Variants in MYH9 observed in about 807,000 individuals in gnomAD.
MYH9 encodes the protein myosin heavy chain 9.
Under a neutral mutation model 241.9 loss-of-function variants are expected in MYH9, and 29 were observed. That is an observed-to-expected ratio of 0.12 (90% CI 0.09 to 0.16). The LOEUF (loss-of-function observed/expected upper bound fraction) is 0.16, where lower values mean the gene tolerates loss of function less well. Among genes scored for constraint, MYH9 ranks in the 10% least tolerant of loss-of-function variants. The pLI is 1.00. For synonymous variants in MYH9, 1,047 were observed against 1,062.6 expected, an observed-to-expected ratio of 0.99 and a Z score of 0.29; for missense variants, 1,803 against 2,595.5, an observed-to-expected ratio of 0.69 and a Z score of 6.63.
chr22:36,299,339 ATGGCTCC>A (rs2016837986), intron 23 of MYH9, among the ~76,000 whole-genome samples: 1 of 152,136 alleles, frequency 6.6e-6, no homozygotes, highest in African/African-American at 2.4e-5. Flanking sequence ...GCAGGGACAG[ATGGCTCC>A]ACTCCTTCAA....
chr22:36,282,986 G>A (rs189085667), intron 40 of MYH9, among the ~76,000 whole-genome samples: 15 of 152,298 alleles, frequency 9.8e-5, no homozygotes, highest in Admixed American at 3.3e-4. Flanking sequence ...AAAGCTTCCC[G>A]CAAAATGTTT....
At chr22:36,341,762 G>C (rs936151397) in intron 2 of MYH9, among the ~76,000 whole-genome samples, 1 of 152,208 alleles carries the variant, frequency 6.6e-6, no homozygotes, top group African/African-American at 2.4e-5. Context: ...CACTGCAGGA[G>C]TGCTCCAGCC....
chr22:36,312,928 G>A (rs905483672), intron 13 of MYH9, among the ~76,000 whole-genome samples: 13 of 150,460 alleles, frequency 8.6e-5, no homozygotes, highest in Admixed American at 2.7e-4. Flanking sequence ...GGCCAACGTG[G>A]TGAAACTCCG....
At chr22:36,361,492 C>A (rs1253079038) in intron 1 of MYH9, among the ~76,000 whole-genome samples, 1 of 152,110 alleles carries the variant, frequency 6.6e-6, no homozygotes, top group African/African-American at 2.4e-5. Flanking sequence ...AAAACAACAC[C>A]AGTACGTATT....
At chr22:36,299,064 G>A in intron 23 of MYH9, 22 bp from the exon 24 acceptor site, 1 of 1,613,794 alleles carries the variant, frequency 6.2e-7, no homozygotes, top group South Asian at 1.1e-5. Context: ...GGAGTAGGCT[G>A]GCATTTAGTG....
intron 27 of MYH9, 122 bp downstream of exon 27, chr22:36,294,810 C>A: frequency 7.3e-7 from 1 of 1,371,060 alleles, no homozygotes; most frequent in Non-Finnish European, 1.0e-6. Context: ...GAAGGGGAGC[C>A]TGGCCTCAGA....
At chr22:36,291,545 G>A (rs1441057248) in intron 31 of MYH9, among the ~76,000 whole-genome samples, 2 of 152,036 alleles carry the variant, frequency 1.3e-5, no homozygotes, top group Non-Finnish European at 2.9e-5. Context: ...CACTGCGGAA[G>A]GCCAAAGGGT....
At chr22:36,332,854 GAAAC>G (rs941230513) in intron 3 of MYH9, among the ~76,000 whole-genome samples, 2 of 152,088 alleles carry the variant, frequency 1.3e-5, no homozygotes, top group African/African-American at 2.4e-5. Flanking sequence ...CCAGGAGGGG[GAAAC>G]TTCTCCTTCT....
Position 36,288,323 on chromosome 22 carries a change from C to T in MYH9, c.4861G>A (p.Asp1621Asn), listed in dbSNP as rs2016624590. The change falls in exon 34 of 41, where the codon GAC becomes AAC. Residue 1621 changes from aspartate (D) to asparagine (N), a missense_variant. Asp to Asn is a conservative substitution (Grantham distance 23). Transcript: ENST00000216181. This position sits in a 1 kb window ranked among gnomAD's most constrained non-coding sequence, Gnocchi z 4.8. ...GCCGAGTCGATGTGCGCCTCCAGGT[C>T]CTTCAGGTCCATCTCCAGCTTCTTC... ...ARKKLEMDLK[D>N]LEAHIDSANK... The T allele has an allele frequency of 6.2e-7, 1 of 1,614,128 alleles. No individual in the cohort carries two copies. The highest frequency in any genetic ancestry group is 8.5e-7 in the Non-Finnish European group (1 of 1,180,038).
chr22:36,368,883 A>G (rs972808571), intron 1 of MYH9, among the ~76,000 whole-genome samples: 11 of 114,550 alleles, frequency 9.6e-5, no homozygotes, highest in African/African-American at 3.7e-4. Flanking sequence ...CATTCTTCAG[A>G]TTCTTGTGTA....
At chr22:36,365,888 T>C (rs2018002982) in intron 1 of MYH9, among the ~76,000 whole-genome samples, 1 of 152,226 alleles carries the variant, frequency 6.6e-6, no homozygotes, top group South Asian at 2.1e-4. Flanking sequence ...TTATTTCATT[T>C]CTAAACACAC....
chr22:36,296,762 G>T, intron 25 of MYH9, 81 bp downstream of exon 25: 1 of 1,442,866 alleles, frequency 6.9e-7, no homozygotes, highest in Non-Finnish European at 9.2e-7. Context: ...CAGCTCACTA[G>T]TGCCGAGAAC....
At chr22:36,387,647 T>G (rs1384632442) in intron 1 of MYH9, among the ~76,000 whole-genome samples, 160 bp downstream of exon 1, 1 of 151,234 alleles carries the variant, frequency 6.6e-6, no homozygotes, top group Non-Finnish European at 1.5e-5. Flanking sequence ...CTGGGAAGGA[T>G]GCGGTGCCGG....
At chr22:36,299,700 G>A (rs2016843981) in intron 23 of MYH9, among the ~76,000 whole-genome samples, 1 of 152,170 alleles carries the variant, frequency 6.6e-6, no homozygotes, top group African/African-American at 2.4e-5. Context: ...TGCTCCCTGG[G>A]CAGACACCGA....
At chr22:36,325,314 CTG>C (rs1281478096) in intron 5 of MYH9, among the ~76,000 whole-genome samples, 1 of 152,208 alleles carries the variant, frequency 6.6e-6, no homozygotes, top group Non-Finnish European at 1.5e-5. Flanking sequence ...TTCCAGAAGA[CTG>C]TACTCATTAG....
intron 2 of MYH9, among the ~76,000 whole-genome samples, chr22:36,342,905 T>G (rs75608080): frequency 1.3e-3 from 205 of 152,342 alleles, no homozygotes; most frequent in African/African-American, 4.7e-3. Context: ...CCAACCTCCT[T>G]GGTCACGGAG....
intron 1 of MYH9, among the ~76,000 whole-genome samples, chr22:36,366,887 T>G (rs1369591069): frequency 6.6e-6 from 1 of 152,042 alleles, no homozygotes; most frequent in Admixed American, 6.6e-5. Flanking sequence ...CAAACCCCCA[T>G]CCTGATCCTA....
chr22:36,289,630 C>A (rs1335753270), intron 31 of MYH9, among the ~76,000 whole-genome samples: 1 of 152,228 alleles, frequency 6.6e-6, no homozygotes, highest in Non-Finnish European at 1.5e-5. Context: ...TTCTCCTGAA[C>A]CACAGCTGGC....
intron 1 of MYH9, among the ~76,000 whole-genome samples, chr22:36,361,956 G>C (rs2146406762): frequency 6.6e-6 from 1 of 152,278 alleles, no homozygotes; most frequent in South Asian, 2.1e-4. Flanking sequence ...TGTAATCCCA[G>C]CTACCCGGGA....
Sources: allele counts gnomAD v4.1 joint callset (sites outside exome capture counted in the v4.1 genomes callset), GRCh38; gene constraint gnomAD v4.1.1; non-coding constraint Gnocchi (gnomAD v3.1); transcripts MANE v1.5; gene names NCBI Gene and HGNC (gene_info 2026-07-23, HGNC 2026-07-21).